MAP3K14: variants seen among roughly 807,000 people sequenced by gnomAD.
MAP3K14 encodes NF-kappa-beta-inducing kinase.
MAP3K14 carries 16 observed loss-of-function variants against 99.2 expected under a neutral mutation model. The ratio of observed to expected loss-of-function variants is 0.16; its 90% confidence interval spans 0.11 to 0.24. MAP3K14 has a LOEUF of 0.24. Among genes scored for constraint, MAP3K14 ranks in the 10% least tolerant of loss-of-function variants. The pLI is 1.00. For synonymous variants in MAP3K14, 462 were observed against 492.4 expected (o/e 0.94, Z 0.82); for missense variants, 784 against 1,208.7 (o/e 0.65, Z 5.21).
At chr17:45,279,545 GC>G (rs1394633458) in intron 6 of MAP3K14, among the ~76,000 whole-genome samples, 74 of 152,058 alleles carry the variant, frequency 4.9e-4, no homozygotes, top group African/African-American at 1.7e-3. Flanking sequence ...CGATTCTCCT[GC>G]CTCGGCCTCC....
At chr17:45,291,629 A>G (rs1429544105) in intron 1 of MAP3K14, among the ~76,000 whole-genome samples, 1 of 152,220 alleles carries the variant, frequency 6.6e-6, no homozygotes, top group Admixed American at 6.5e-5. Flanking sequence ...AGTTGCCAAC[A>G]ATCTGTGCAA....
At chr17:45,293,787 C>T (rs1288696919) in intron 1 of MAP3K14, among the ~76,000 whole-genome samples, 1 of 152,180 alleles carries the variant, frequency 6.6e-6, no homozygotes, top group African/African-American at 2.4e-5. Flanking sequence ...CTGACAGTGG[C>T]TCTCCCCAAA....
chr17:45,270,898 C>T (rs957174587), intron 10 of MAP3K14, 160 bp downstream of exon 10: 2 of 1,047,670 alleles, frequency 1.9e-6, no homozygotes, highest in Admixed American at 2.2e-5. Flanking sequence ...CCCCTTGTAC[C>T]CCCAGATTTG....
Position 45,267,546 on chromosome 17 carries a change from G to T in MAP3K14, c.2186C>A (p.Pro729His). The change falls in exon 12 of 16, where the codon CCC (proline) becomes CAC (histidine). Residue 729 changes from proline (P) to histidine (H), a missense_variant. This residue lies in a region of MAP3K14 where 128 missense variants were observed against 143.3 expected (regional missense o/e 0.89). Coordinates refer to ENST00000344686, the MANE Select transcript of MAP3K14 (RefSeq NM_003954.5). This position sits in a 1 kb window ranked among gnomAD's most constrained non-coding sequence, Gnocchi z 5.1. ...PEPPEPNKSP[P>H]LTLSKEESGM... ...AGACTCCTCCTTGCTCAAAGTCAAG[G>T]GAGGAGACTTGTTTGGCTCTGGGGG... 6.2e-7 allele frequency: 1 copy of T among 1,613,670 alleles called. No individual in the cohort carries two copies. The highest frequency in any genetic ancestry group is 8.5e-7 in the Non-Finnish European group (1 of 1,179,708).
chr17:45,283,068 G>A (rs900940281), intron 6 of MAP3K14, among the ~76,000 whole-genome samples: 2 of 152,234 alleles, frequency 1.3e-5, no homozygotes, highest in Non-Finnish European at 2.9e-5. Context: ...TGCGAGGGGC[G>A]AGACATGGAG....
chr17:45,280,004 C>T (rs759139544), intron 6 of MAP3K14, among the ~76,000 whole-genome samples: 1 of 152,232 alleles, frequency 6.6e-6, no homozygotes, highest in Non-Finnish European at 1.5e-5. Context: ...CCCATTACAA[C>T]TCGGGTTCCT....
chr17:45,304,074 C>T (rs1296576913), intron 1 of MAP3K14, among the ~76,000 whole-genome samples: 1 of 149,756 alleles, frequency 6.7e-6, no homozygotes, highest in Non-Finnish European at 1.5e-5. Flanking sequence ...GCGCAGCAGC[C>T]CATTCTTGGC....
At chr17:45,297,891 G>A (rs183728254) in intron 1 of MAP3K14, among the ~76,000 whole-genome samples, 90 of 151,918 alleles carry the variant, frequency 5.9e-4, no homozygotes, top group African/African-American at 2.0e-3. Flanking sequence ...GCTAATTTTT[G>A]TATTTTTAGT....
At chr17:45,304,647 A>G (rs911872077) in intron 1 of MAP3K14, among the ~76,000 whole-genome samples, 1 of 152,232 alleles carries the variant, frequency 6.6e-6, no homozygotes, top group African/African-American at 2.4e-5. Context: ...AGATGGGGAA[A>G]AAATGGGTAG....
At chr17:45,296,103 CAGA>C (rs2044344729) in intron 1 of MAP3K14, among the ~76,000 whole-genome samples, 2 of 152,276 alleles carry the variant, frequency 1.3e-5, no homozygotes, top group South Asian at 2.1e-4. Flanking sequence ...GGATAAATAG[CAGA>C]AGTAGAATGA....
chr17:45,301,752 T>C (rs2044389983), intron 1 of MAP3K14, among the ~76,000 whole-genome samples: 1 of 152,106 alleles, frequency 6.6e-6, no homozygotes, highest in African/African-American at 2.4e-5. Flanking sequence ...GTGGTGGGCT[T>C]ATGGATGATT....
At chr17:45,273,404 G>T in intron 9 of MAP3K14, 99 bp downstream of exon 9, 1 of 862,084 alleles carries the variant, frequency 1.2e-6, no homozygotes, top group Non-Finnish European at 1.9e-6. Context: ...CACACAGGTG[G>T]ACCTAAGTGT....
At chr17:45,270,798 C>T in intron 10 of MAP3K14, 2 of 748,982 alleles carry the variant, frequency 2.7e-6, no homozygotes, top group African/African-American at 1.8e-5. Flanking sequence ...CAGGCCCGGC[C>T]CGTTAGGAGG....
chr17:45,291,541 G>T lies in MAP3K14; in HGVS notation c.-20-776C>A, dbSNP rs138508422. Among the ~76,000 whole-genome samples, 488 of 152,258 alleles carry T rather than the reference G, an allele frequency of 3.2e-3. 5 individuals carry two copies. The highest frequency in any genetic ancestry group is 0.011 in the African/African-American group (461 of 41,536). On this transcript the variant is annotated intron_variant, in intron 1 of 15. Transcript: ENST00000344686. ...ACGAACCTATACCTCTAGAAATAAAGAATAAAGCATAAGAATTCACGTCTC... is the reference window on the plus strand; with the variant it reads ...ACGAACCTATACCTCTAGAAATAAATAATAAAGCATAAGAATTCACGTCTC...
In MAP3K14 at chr17:45,267,536, C is replaced by G; in HGVS notation, c.2196G>C (p.Leu732Phe). 6.2e-7 allele frequency: 1 copy of G among 1,613,550 alleles called. No individual in the cohort carries two copies. ...PEPNKSPPLTLSKEESGMWEP... is the reference protein window; with the variant it reads ...PEPNKSPPLTFSKEESGMWEP... The stretch of plus-strand genomic sequence containing the variant: ...CCCACATCCCAGACTCCTCCTTGCT[C>G]AAAGTCAAGGGAGGAGACTTGTTTG... The change falls in exon 12 of 16, where the codon TTG becomes TTC. Residue 732 changes from leucine (L) to phenylalanine (F), a missense_variant. Leu to Phe is a conservative substitution (Grantham distance 22). Around this residue, in one of 5 missense-constraint regions of MAP3K14, gnomAD observed 128 missense variants for 143.3 expected, o/e 0.89. Transcript: ENST00000344686. This position sits in a 1 kb window ranked among gnomAD's most constrained non-coding sequence, Gnocchi z 5.1.
intron 1 of MAP3K14, among the ~76,000 whole-genome samples, chr17:45,309,569 C>A (rs1206521148): frequency 1.3e-5 from 2 of 152,172 alleles, no homozygotes; most frequent in Non-Finnish European, 2.9e-5. Context: ...GACAGACACA[C>A]TTCTGAGGAA....
chr17:45,285,704 C>T (rs1002767617), intron 5 of MAP3K14, among the ~76,000 whole-genome samples: 1 of 151,740 alleles, frequency 6.6e-6, no homozygotes, highest in African/African-American at 2.4e-5. Flanking sequence ...ACCTATAATC[C>T]GAGCACTTTT....
Position 45,267,651 on chromosome 17 carries a change from G to A in MAP3K14, c.2081C>T (p.Ser694Leu), listed in dbSNP as rs755630489. Residue 694 changes from serine (S) to leucine (L), a missense_variant, in exon 12 of 16, where the codon TCG (serine) becomes TTG (leucine). Transcript: ENST00000344686. The surrounding 1 kb of genome is among the most constrained non-coding windows in gnomAD (Gnocchi z 5.1). Reference sequence around the variant, plus strand: ...TGGCCGGGGCCCTGGGGCCCTTGGCGAAAGCTCTCTCGGCTGGGCATGGAG... The same window carrying A: ...TGGCCGGGGCCCTGGGGCCCTTGGCAAAAGCTCTCTCGGCTGGGCATGGAG... ...QTLHAQPREL[S>L]PRAPGPRPAE... The A allele has an allele frequency of 5.0e-6, 8 of 1,613,694 alleles. No individual in the cohort carries two copies. The highest frequency in any genetic ancestry group is 3.3e-5 in the South Asian group (3 of 91,074).
intron 8 of MAP3K14, 31 bp downstream of exon 8, chr17:45,274,091 TG>T (rs1205994440): frequency 1.6e-5 from 25 of 1,601,280 alleles, no homozygotes; most frequent in Non-Finnish European, 2.0e-5. Flanking sequence ...AAGAGCCTGC[TG>T]GGGATCAGGG....
Sources: allele counts gnomAD v4.1 joint callset (sites outside exome capture counted in the v4.1 genomes callset), GRCh38; gene constraint gnomAD v4.1.1; regional missense constraint gnomAD v4.1.1; non-coding constraint Gnocchi (gnomAD v3.1); transcripts MANE v1.5; gene names NCBI Gene and HGNC (gene_info 2026-07-23, HGNC 2026-07-21).